Variants in LGSN observed in about 807,000 individuals in gnomAD.
LGSN encodes the protein lengsin.
A neutral mutation model predicts 19.5 loss-of-function variants in LGSN; 21 were observed. The ratio of observed to expected loss-of-function variants is 1.07; its 90% CI spans 0.76 to 1.55. The LOEUF (loss-of-function observed/expected upper bound fraction) is 1.55. Among genes scored for constraint, LGSN ranks in the 40% most tolerant of loss-of-function variants. The probability of loss-of-function intolerance (pLI) is 0.00; values close to 1 mark genes in which losing one functional copy is unlikely to be tolerated. For synonymous variants in LGSN, 257 were observed against 215.6 expected, an observed-to-expected ratio of 1.19 and a Z score of -1.68; for missense variants, 673 against 608.5, an observed-to-expected ratio of 1.11 and a Z score of -1.12.
At chr6:63,411,640 G>C in the LGSN span, among the ~76,000 whole-genome samples, 4 of 152,132 alleles carry the variant, frequency 2.6e-5, no homozygotes. Context: ...AGGAGTTTGA[G>C]CTAACCAAGA....
At chr6:63,366,860 A>T in the LGSN span, among the ~76,000 whole-genome samples, 2 of 151,058 alleles carry the variant, frequency 1.3e-5, no homozygotes, top group Admixed American at 1.3e-4. Context: ...TATTTAATAA[A>T]TGGTGCTGGG....
At chr6:63,360,032 G>T in the LGSN span, among the ~76,000 whole-genome samples, 8 of 152,190 alleles carry the variant, frequency 5.3e-5, no homozygotes, top group East Asian at 1.3e-3. Context: ...CAAGAGATCA[G>T]CTGTTAGTCT....
chr6:63,375,247 G>A, the LGSN span, among the ~76,000 whole-genome samples: 1 of 152,006 alleles, frequency 6.6e-6, no homozygotes, highest in African/African-American at 2.4e-5. Context: ...ATAAAAAGCA[G>A]TATAGAGTGG....
At chr6:63,378,034 GAAAAAAA>G in the LGSN span, among the ~76,000 whole-genome samples, 17 of 85,440 alleles carry the variant, frequency 2.0e-4, no homozygotes, top group Non-Finnish European at 2.2e-4. Flanking sequence ...CCAGATTTTT[GAAAAAAA>G]AAAAAAAAAA....
At chr6:63,541,996 T>C in the LGSN span, among the ~76,000 whole-genome samples, 18 of 151,158 alleles carry the variant, frequency 1.2e-4, no homozygotes, top group Non-Finnish European at 2.4e-4. Context: ...TTTTAAAAAC[T>C]CTCATTTGGT....
the LGSN span, among the ~76,000 whole-genome samples, chr6:63,514,090 T>G: frequency 6.6e-6 from 1 of 152,152 alleles, no homozygotes. Flanking sequence ...TGTGTTCTTC[T>G]GCCCACATCA....
the LGSN span, chr6:63,572,396 G>T: frequency 3.0e-6 from 1 of 338,400 alleles, no homozygotes. Flanking sequence ...GTCGGCTCCT[G>T]GCCCGCGGTT....
chr6:63,473,925 A>T, the LGSN span, among the ~76,000 whole-genome samples: 17 of 149,498 alleles, frequency 1.1e-4, no homozygotes, highest in Admixed American at 1.0e-3. Flanking sequence ...ACAACCCTTT[A>T]GATTAAAGAT....
At chr6:63,472,311 T>C in the LGSN span, among the ~76,000 whole-genome samples, 1 of 152,182 alleles carries the variant, frequency 6.6e-6, no homozygotes, top group East Asian at 1.9e-4. Flanking sequence ...TAAAGAAATG[T>C]TATCAAGATT....
At chr6:63,566,239 C>G in the LGSN span, among the ~76,000 whole-genome samples, 1 of 152,320 alleles carries the variant, frequency 6.6e-6, no homozygotes, top group East Asian at 1.9e-4. Context: ...CCAGAGTGAT[C>G]AGTCCAAAAC....
the LGSN span, among the ~76,000 whole-genome samples, chr6:63,450,214 T>C: frequency 9.2e-6 from 1 of 108,582 alleles, no homozygotes; most frequent in Non-Finnish European, 2.2e-5. Context: ...AAAAAAAAAT[T>C]AGCCAGGCAT....
the LGSN span, among the ~76,000 whole-genome samples, chr6:63,462,368 C>T: frequency 3.9e-5 from 6 of 152,264 alleles, no homozygotes; most frequent in African/African-American, 9.6e-5. Flanking sequence ...TGTGGTGGCT[C>T]ACACCTGTAA....
chr6:63,356,472 G>T, the LGSN span, among the ~76,000 whole-genome samples: 397 of 152,200 alleles, frequency 2.6e-3, no homozygotes, highest in Non-Finnish European at 4.0e-3. Context: ...AACCTGAGAG[G>T]CAGAGGTTGC....
At chr6:63,385,936 A>C in the LGSN span, among the ~76,000 whole-genome samples, 3 of 152,214 alleles carry the variant, frequency 2.0e-5, no homozygotes, top group Non-Finnish European at 4.4e-5. Flanking sequence ...CTGAGACCTC[A>C]GACCCAATTT....
the LGSN span, among the ~76,000 whole-genome samples, chr6:63,514,426 C>A: frequency 6.6e-6 from 1 of 152,204 alleles, no homozygotes; most frequent in Non-Finnish European, 1.5e-5. Flanking sequence ...TGGGGTTTCA[C>A]CATGTTGGTC....
At chr6:63,402,763 C>T in the LGSN span, among the ~76,000 whole-genome samples, 1 of 151,810 alleles carries the variant, frequency 6.6e-6, no homozygotes, top group Non-Finnish European at 1.5e-5. Flanking sequence ...CAAACACCAA[C>T]CTTAATGTAG....
chr6:63,563,948 T>G, the LGSN span, among the ~76,000 whole-genome samples: 2 of 152,194 alleles, frequency 1.3e-5, no homozygotes, highest in African/African-American at 4.8e-5. Flanking sequence ...ATTTACTATG[T>G]GCATTAATAT....
At chr6:63,396,817 G>C in the LGSN span, 1 of 152,924 alleles carries the variant, frequency 6.5e-6, no homozygotes, top group Non-Finnish European at 1.5e-5. Context: ...TGTCTGGATG[G>C]GGACTGGGGT....
the LGSN span, among the ~76,000 whole-genome samples, chr6:63,446,981 G>A: frequency 2.0e-5 from 3 of 152,130 alleles, no homozygotes; most frequent in South Asian, 2.1e-4. Flanking sequence ...CCCAGGAGGC[G>A]GAGGTTGCAG....
Sources: allele counts gnomAD v4.1 joint callset (sites outside exome capture counted in the v4.1 genomes callset), GRCh38; gene constraint gnomAD v4.1.1; transcripts MANE v1.5; gene names NCBI Gene and HGNC (gene_info 2026-07-23, HGNC 2026-07-21).